Variants in PLS1 observed in about 807,000 individuals in gnomAD.
PLS1 encodes plastin 1.
PLS1 carries 32 observed loss-of-function variants against 73.7 expected under a neutral mutation model. The observed-to-expected ratio is 0.43, with a 90% CI of 0.33 to 0.58. PLS1 has a LOEUF of 0.58. Among genes scored for constraint, PLS1 ranks in the 20% least tolerant of loss-of-function variants. The pLI, the probability that PLS1 is intolerant of heterozygous loss-of-function variation, is 0.04. For missense variants in PLS1, 633 were observed against 740.5 expected (o/e 0.85, Z 1.68); for synonymous variants, 217 against 261.3 (o/e 0.83, Z 1.63).
intron 1 of PLS1, chr3:142,623,697 T>C (rs926238808): frequency 3.9e-5 from 6 of 152,242 alleles, no homozygotes; most frequent in Non-Finnish European, 7.3e-5. Context: ...TTTGGGACTC[T>C]AGATGGCTTT....
intron 1 of PLS1, among the ~76,000 whole-genome samples, chr3:142,628,097 A>G (rs2036469340): frequency 6.6e-6 from 1 of 152,228 alleles, no homozygotes; most frequent in Non-Finnish European, 1.5e-5. Flanking sequence ...AATATCATGT[A>G]GAAAGATGAT....
chr3:142,639,695 G>T (rs779662307), intron 1 of PLS1, among the ~76,000 whole-genome samples: 1 of 152,168 alleles, frequency 6.6e-6, no homozygotes, highest in African/African-American at 2.4e-5. Context: ...TTGAAAGCTC[G>T]TGGAATCTCT....
intron 1 of PLS1, among the ~76,000 whole-genome samples, chr3:142,640,512 T>C (rs915156130): frequency 3.9e-5 from 6 of 152,218 alleles, no homozygotes; most frequent in Non-Finnish European, 7.3e-5. Flanking sequence ...ATATGATTGC[T>C]TATTCAGGCT....
chr3:142,690,892 G>A (rs1033408159), intron 10 of PLS1, among the ~76,000 whole-genome samples: 30 of 152,010 alleles, frequency 2.0e-4, no homozygotes, highest in African/African-American at 7.0e-4. Context: ...CAGTGGTAAT[G>A]GCAGTTGTTG....
At chr3:142,636,703 A>G (rs1433562068) in intron 1 of PLS1, among the ~76,000 whole-genome samples, 1 of 152,232 alleles carries the variant, frequency 6.6e-6, no homozygotes, top group Non-Finnish European at 1.5e-5. Context: ...TATCCATAAT[A>G]TGCAAACAAC....
At chr3:142,612,102 T>C (rs1024891504) in intron 1 of PLS1, among the ~76,000 whole-genome samples, 3 of 152,180 alleles carry the variant, frequency 2.0e-5, no homozygotes, top group African/African-American at 7.2e-5. Context: ...GAAGTAAAGA[T>C]TAAAAAATTA....
chr3:142,622,833 T>C (rs2036341750), intron 1 of PLS1, among the ~76,000 whole-genome samples: 2 of 152,264 alleles, frequency 1.3e-5, no homozygotes, highest in Admixed American at 6.5e-5. Context: ...GTGACTCTAA[T>C]TGAAATTCAG....
chr3:142,707,054 A>G (rs185324538), intron 14 of PLS1, among the ~76,000 whole-genome samples: 315 of 152,292 alleles, frequency 2.1e-3, no homozygotes, highest in African/African-American at 6.8e-3. Context: ...AGGGAGAGCA[A>G]CCCTAGAGAA....
chr3:142,694,427 C>T (rs1431097933), intron 10 of PLS1, 42 bp from the exon 11 acceptor site: 2 of 1,289,854 alleles, frequency 1.6e-6, no homozygotes, highest in African/African-American at 2.9e-5. Flanking sequence ...TTCCTGGTTC[C>T]TTTTGTCCTG....
rs1472456705 is a variant in PLS1 at position 142,621,307 on chromosome 3, ACT to A, written c.-37+24801_-37+24802del. 2.0e-5 allele frequency among the ~76,000 whole-genome samples: 3 copies of A among 152,206 alleles called. No individual in the cohort carries two copies. The East Asian group carries it at 5.8e-4, about 29-fold the overall frequency. ...ACTTGTAACAGAATGGAATGGGTAA[ACT>A]CTTAGAGCAATTGGATTCACGGCTA... On this transcript the variant is annotated intron_variant, in intron 1 of 15. Transcript: ENST00000457734.
intron 1 of PLS1, among the ~76,000 whole-genome samples, chr3:142,608,359 G>A (rs1021437655): frequency 3.3e-5 from 5 of 152,286 alleles, no homozygotes; most frequent in African/African-American, 1.2e-4. Context: ...AGAGAATGTT[G>A]TTTTGCTTGT....
chr3:142,626,356 G>A (rs976849201), intron 1 of PLS1, among the ~76,000 whole-genome samples: 4 of 152,156 alleles, frequency 2.6e-5, no homozygotes, highest in Non-Finnish European at 4.4e-5. Flanking sequence ...TGCTGTTTGA[G>A]TGCTGTCTAC....
intron 14 of PLS1, among the ~76,000 whole-genome samples, chr3:142,709,830 A>AT (rs1385303530): frequency 6.6e-6 from 1 of 151,690 alleles, no homozygotes; most frequent in Non-Finnish European, 1.5e-5. Context: ...AAAAAAAAAA[A>AT]AATTAATAAA....
rs1168264763 is a variant in PLS1, at chr3:142,630,404, C to T, written c.-36-33798C>T. Among the ~76,000 whole-genome samples the T allele has an allele frequency of 2.5e-5, 3 of 120,222 alleles. No individual in the cohort carries two copies. The East Asian group carries it at 7.5e-4, about 30-fold the overall frequency. The allele number at this position is 120,222 out of a possible 152,430, so 78.9% of individuals were successfully genotyped here. A position where few individuals can be genotyped will look rare whatever the true frequency, so the allele number is the denominator to read the frequency against. ...CCAGTGCACTCCAGCCTGGGCAACA[C>T]AGTGAGACCCTGCCTCAAAAAAAAA... On this transcript the variant is annotated intron_variant, in intron 1 of 15. Transcript: ENST00000457734.
In PLS1 at chr3:142,689,681, CAGTT is replaced by C. The variant is rs2038048007; in HGVS notation, c.1046_1049del (p.Gln349LeufsTer16). On this transcript the variant is annotated frameshift_variant, in exon 10 of 16. Transcript: ENST00000457734. LOFTEE classifies it high-confidence loss of function. ...AGAAGCAGATAAACTGGGCTGCAAA[CAGTT>C]TGTTACTCCTGCAGATGTGGTTTCA... The C allele has an allele frequency of 2.5e-6, 4 of 1,611,510 alleles. No individual in the cohort carries two copies. The highest frequency in any genetic ancestry group is 3.4e-6 in the Non-Finnish European group (4 of 1,178,844).
chr3:142,648,280 G>C (rs1416568974), intron 1 of PLS1, among the ~76,000 whole-genome samples: 1 of 152,160 alleles, frequency 6.6e-6, no homozygotes, highest in African/African-American at 2.4e-5. Flanking sequence ...GAAAGTTGTA[G>C]AACAATACGG....
chr3:142,690,037 A>G (rs2107910814), intron 10 of PLS1, among the ~76,000 whole-genome samples: 1 of 152,354 alleles, frequency 6.6e-6, no homozygotes, highest in African/African-American at 2.4e-5. Flanking sequence ...AGTGAAAACT[A>G]TCATACATTT....
intron 1 of PLS1, among the ~76,000 whole-genome samples, chr3:142,651,740 A>G (rs2037098104): frequency 6.6e-6 from 1 of 152,240 alleles, no homozygotes; most frequent in African/African-American, 2.4e-5. Flanking sequence ...TGAAGGACTC[A>G]TCTGGCACAC....
chr3:142,599,167 CATGA>C (rs200763781), intron 1 of PLS1, among the ~76,000 whole-genome samples: 2 of 142,364 alleles, frequency 1.4e-5, no homozygotes, highest in Non-Finnish European at 3.0e-5. Context: ...ATAGTTATTA[CATGA>C]ATGAATGAAT....
Sources: allele counts gnomAD v4.1 joint callset (sites outside exome capture counted in the v4.1 genomes callset), GRCh38; gene constraint gnomAD v4.1.1; transcripts MANE v1.5; gene names NCBI Gene and HGNC (gene_info 2026-07-23, HGNC 2026-07-21).